The following PCNA variants were observed in gnomAD, a reference collection of about 807,000 sequenced individuals.
PCNA encodes the protein proliferating cell nuclear antigen.
In PCNA, 4 loss-of-function variants were observed where a neutral mutation model predicts 27.8. That is an observed-to-expected ratio of 0.14 (90% CI 0.07 to 0.33). PCNA has a LOEUF of 0.33. Ranked by LOEUF, PCNA falls within the 10% of genes least tolerant of loss-of-function variation. PCNA has a pLI of 1.00. For missense variants in PCNA, 165 were observed against 327.4 expected (o/e 0.50, Z 3.83); for synonymous variants, 121 against 119.4 (o/e 1.01, Z -0.09).
At chr20:5,122,139 A>G (rs564535622), upstream of PCNA, among the ~76,000 whole-genome samples, 68 of 151,640 alleles carry the variant, frequency 4.5e-4, no homozygotes, top group Non-Finnish European at 6.5e-4. Flanking sequence ...GCGCCATCAC[A>G]CCTGGCTAAT....
chr20:5,117,127 A>G (rs1194704713), intron 4 of PCNA, among the ~76,000 whole-genome samples: 1 of 152,196 alleles, frequency 6.6e-6, no homozygotes, highest in African/African-American at 2.4e-5. Flanking sequence ...CCTTCTATTG[A>G]GCTGCTGTCC....
In PCNA at chr20:5,117,553, C is replaced by T. The variant is rs1169145131; in HGVS notation, c.499G>A (p.Val167Met). 2.5e-6 allele frequency: 4 copies of T among 1,613,896 alleles called. No homozygotes were observed. Among genetic ancestry groups the T allele is most frequent in the Non-Finnish European group, 3.4e-6 (4 of 1,179,918 alleles). Residue 167 changes from valine (V) to methionine (M), a missense_variant, in exon 4 of 6, where the codon GTG becomes ATG. Transcript: ENST00000379143. ...AVVISCAKDG[V>M]KFSASGELGN... ...AGTTCTCCACTTGCAGAAAATTTCA[C>T]TCCGTCTTTTGCACAGGAAATTACA...
In PCNA at chr20:5,119,539, G is replaced by C. The variant is rs17348; in HGVS notation, c.221+39C>G. The C allele has an allele frequency of 1.6e-5, 25 of 1,547,330 alleles. No individual in the cohort carries two copies. In the East Asian group the frequency reaches 5.1e-4, roughly 31 times the overall value. On this transcript the variant is annotated intron_variant, in intron 1 of 5. Transcript: ENST00000379143. ...GCTCCCGCCAAGCACCGGAGGTGCA[G>C]GCGGGCCGGGGCCGGCTTCCCGGGG...
chr20:5,118,279 T>C (rs548785803), intron 3 of PCNA, among the ~76,000 whole-genome samples: 1 of 152,350 alleles, frequency 6.6e-6, no homozygotes, highest in Admixed American at 6.5e-5. Context: ...AGGCTTAAAT[T>C]ATATTAACAT....
At chr20:5,122,613 A>G (rs1463624233), upstream of PCNA, among the ~76,000 whole-genome samples, 2 of 152,220 alleles carry the variant, frequency 1.3e-5, no homozygotes, top group Non-Finnish European at 2.9e-5. Context: ...TCAAAACATA[A>G]TACAGCATCA....
chr20:5,115,270 AT>A lies in PCNA; in HGVS notation c.*12del. ...AAAGAGCTTAGTTTTATTTTCTTGA[AT>A]TTTAAGAATGCCTAAGATCCTTCTT... On this transcript the variant is annotated 3_prime_UTR_variant, in exon 6 of 6. Coordinates refer to ENST00000379143, the MANE Select transcript of PCNA (RefSeq NM_182649.2). The A allele has an allele frequency of 1.2e-6, 2 of 1,605,864 alleles. No individual in the cohort carries two copies. Among genetic ancestry groups the A allele is most frequent in the Non-Finnish European group, 1.7e-6 (2 of 1,173,090 alleles).
chr20:5,118,297 CGGA>C (rs2090490016), intron 3 of PCNA, among the ~76,000 whole-genome samples: 4 of 152,138 alleles, frequency 2.6e-5, no homozygotes, highest in Admixed American at 2.6e-4. Context: ...CATATCTTGA[CGGA>C]GGAGGATCAC....
At chr20:5,118,385 A>C (rs571413267) in intron 3 of PCNA, among the ~76,000 whole-genome samples, 11 of 152,260 alleles carry the variant, frequency 7.2e-5, no homozygotes, top group Non-Finnish European at 1.3e-4. Context: ...AAAATTAGCC[A>C]GGTGTGGTGG....
chr20:5,119,050 T>G (rs950651638), intron 1 of PCNA, among the ~76,000 whole-genome samples, 184 bp from the exon 2 acceptor site: 2 of 152,100 alleles, frequency 1.3e-5, no homozygotes, highest in African/African-American at 4.8e-5. Flanking sequence ...TGGCAGTATT[T>G]ATACTAAAAT....
rs2090503683 is a variant in PCNA at position 5,119,661 on chromosome 20, A to C, written c.138T>G (p.Ser46=). 6.2e-7 allele frequency: 1 copy of C among 1,613,372 alleles called. No homozygotes were observed. Among genetic ancestry groups the C allele is most frequent in the African/African-American group, 1.3e-5 (1 of 74,932 alleles). The change falls in exon 1 of 6, where the codon TCT becomes TCG. Residue 46 remains serine (S), a synonymous_variant. Transcript: ENST00000379143. ...CAGACCGCAGGGTGAGCTGCACCAA[A>C]GAGACGTGGGACGAGTCCATGCTCT... ...NLQSMDSSHV[S]LVQLTLRSEG... is the part of the protein sequence containing the mutation.
At chr20:5,126,610 G>C (rs1409250583) in exon 1 of PCNA, 2 of 152,620 alleles carry the variant, frequency 1.3e-5, no homozygotes, top group African/African-American at 2.4e-5. Flanking sequence ...CAGGGCGCCA[G>C]CTCCGGCCAT....
chr20:5,125,831 AAG>A (rs2090544064), intron 1 of PCNA, among the ~76,000 whole-genome samples: 2 of 152,240 alleles, frequency 1.3e-5, no homozygotes, highest in African/African-American at 4.8e-5. Flanking sequence ...TCCATCCAAC[AAG>A]TACTTACAAT....
At position 5,119,178 on chromosome 20, in the gene PCNA, G is replaced by A. The variant is rs556508473; in HGVS notation, c.222-312C>T. On this transcript the variant is annotated intron_variant, in intron 1 of 5. Coordinates refer to ENST00000379143, the MANE Select transcript of PCNA (RefSeq NM_182649.2). ...ATTTAAAGTCAACCGCGACTGAGCC[G>A]GGAGGATCGCTTGAGCCCAGAAGTT... Among the ~76,000 whole-genome samples the A allele has an allele frequency of 3.9e-5, 6 of 152,092 alleles. No individual in the cohort carries two copies. In the East Asian group the frequency reaches 7.7e-4, roughly 20 times the overall value.
intron 4 of PCNA, 121 bp from the exon 5 acceptor site, chr20:5,115,693 T>G: frequency 1.4e-6 from 1 of 728,174 alleles, no homozygotes; most frequent in African/African-American, 1.8e-5. Flanking sequence ...GCTATGAAAA[T>G]TTTGAAGACT....
At chr20:5,121,386 C>CTTTTTTT (rs10712798), upstream of PCNA, 3 of 97,174 alleles carry the variant, frequency 3.1e-5, no homozygotes, top group East Asian at 2.7e-4. Flanking sequence ...CCTTTCTTTC[C>CTTTTTTT]TTTTTTTTTT....
At chr20:5,118,531 G>T in intron 3 of PCNA, 79 bp downstream of exon 3, 2 of 1,070,126 alleles carry the variant, frequency 1.9e-6, no homozygotes, top group Non-Finnish European at 2.8e-6. Flanking sequence ...GACCCTGTCT[G>T]TAAAAATAAA....
chr20:5,126,609 A>C (rs1243913524), exon 1 of PCNA: 2 of 152,574 alleles, frequency 1.3e-5, no homozygotes, highest in African/African-American at 2.4e-5. Flanking sequence ...CCAGGGCGCC[A>C]GCTCCGGCCA....
rs1281514884 is a variant in PCNA at position 5,117,323 on chromosome 20, T to A, written c.582+147A>T. 4.7e-6 allele frequency: 3 copies of A among 633,482 alleles called. No individual in the cohort carries two copies. In the Admixed American group the frequency reaches 9.1e-5, roughly 19 times the overall value. The allele number at this position is 633,482 out of a possible 1,614,324, so 39.2% of individuals were successfully genotyped here. A position where few individuals can be genotyped will look rare whatever the true frequency, so the allele number is the denominator to read the frequency against. On this transcript the variant is annotated intron_variant, in intron 4 of 5. Transcript: ENST00000379143. The stretch of plus-strand genomic sequence containing the variant: ...ATAATTCTAAATTGGATGACACTTA[T>A]AAATCATTCGCAGATTTCAACAGTA...
At chr20:5,125,404 T>A (rs2090540585) in intron 1 of PCNA, among the ~76,000 whole-genome samples, 1 of 151,884 alleles carries the variant, frequency 6.6e-6, no homozygotes, top group Non-Finnish European at 1.5e-5. Flanking sequence ...GGAGGATCTC[T>A]TGAACCCAGG....
Sources: gnomAD v4.1 joint callset for allele counts (sites outside exome capture counted in the v4.1 genomes callset) on GRCh38, gnomAD v4.1.1 for gene constraint, MANE v1.5 for transcripts, NCBI Gene and HGNC (gene_info 2026-07-23, HGNC 2026-07-21) for gene names.